The following ACOXL variants were observed in gnomAD, a reference collection of about 807,000 sequenced individuals.
ACOXL encodes the protein acyl-coenzyme A oxidase-like protein.
ACOXL carries 70 observed loss-of-function variants against 71.9 expected under a neutral mutation model. That is an observed-to-expected ratio of 0.97 (90% CI 0.80 to 1.19). ACOXL has a LOEUF of 1.19. ACOXL is among the 50% of genes most tolerant of loss of function. The probability of loss-of-function intolerance (pLI) is 0.00; values close to 1 mark genes in which losing one functional copy is unlikely to be tolerated. For missense variants in ACOXL, 703 were observed against 736.3 expected, an observed-to-expected ratio of 0.95 and a Z score of 0.52; for synonymous variants, 253 against 281.6, an observed-to-expected ratio of 0.90 and a Z score of 1.02.
rs138101301 is a variant in ACOXL at position 111,002,907 on chromosome 2, T to A, written c.1281+6903T>A. Among the ~76,000 whole-genome samples, 22 of 152,346 alleles carry A rather than the reference T, an allele frequency of 1.4e-4. 1 individual carries two copies. The highest frequency in any genetic ancestry group is 5.1e-4 in the African/African-American group (21 of 41,576). On this transcript the variant is annotated intron_variant, in intron 14 of 17. Transcript: ENST00000439055. ...CAAAATGCTCTAATGAACATTTTCT[T>A]TCAGCATCATGTCAGTGCTGAAAAA...
At chr2:110,966,139 C>A (rs1254792912) in intron 12 of ACOXL, among the ~76,000 whole-genome samples, 1 of 152,218 alleles carries the variant, frequency 6.6e-6, no homozygotes, top group Non-Finnish European at 1.5e-5. Context: ...CTCCCATCCC[C>A]CACCCAGTGG....
chr2:110,947,636 A>AC (rs2061158067), intron 12 of ACOXL, among the ~76,000 whole-genome samples: 1 of 152,126 alleles, frequency 6.6e-6, no homozygotes, highest in Non-Finnish European at 1.5e-5. Flanking sequence ...TGCCTCCAGG[A>AC]CCCATTAGAC....
chr2:110,799,173 A>C, intron 7 of ACOXL, 73 bp downstream of exon 7: 3 of 1,446,028 alleles, frequency 2.1e-6, no homozygotes, highest in Non-Finnish European at 2.9e-6. Flanking sequence ...GGAGAATCTA[A>C]CCTACGTTAT....
At chr2:110,917,157 G>C (rs985393338) in intron 11 of ACOXL, among the ~76,000 whole-genome samples, 1 of 151,998 alleles carries the variant, frequency 6.6e-6, no homozygotes, top group East Asian at 1.9e-4. Flanking sequence ...AAAAATCCTC[G>C]ATAAAATACT....
At chr2:110,926,097 G>C (rs1472086892) in intron 11 of ACOXL, among the ~76,000 whole-genome samples, 2 of 152,078 alleles carry the variant, frequency 1.3e-5, no homozygotes, top group African/African-American at 4.8e-5. Flanking sequence ...GGTGCAGTTT[G>C]TGATGCCCCA....
intron 17 of ACOXL, chr2:111,099,913 T>A (rs1004315174): frequency 6.6e-6 from 1 of 152,244 alleles, no homozygotes; most frequent in African/African-American, 2.4e-5. Context: ...AAAGCAAAGA[T>A]CTCAGCTTCT....
chr2:110,827,331 T>C (rs1689283153), intron 9 of ACOXL, among the ~76,000 whole-genome samples: 1 of 151,972 alleles, frequency 6.6e-6, no homozygotes, highest in African/African-American at 2.4e-5. Context: ...AGGGGTGGTT[T>C]CTAGGATGAA....
intron 11 of ACOXL, among the ~76,000 whole-genome samples, chr2:110,912,450 G>T (rs2059682804): frequency 6.6e-6 from 1 of 152,050 alleles, no homozygotes; most frequent in South Asian, 2.1e-4. Context: ...TCAAGAGACA[G>T]AAACACATCC....
intron 10 of ACOXL, among the ~76,000 whole-genome samples, chr2:110,847,133 C>T (rs190055243): frequency 2.4e-4 from 36 of 152,040 alleles, no homozygotes; most frequent in Admixed American, 1.8e-3. Context: ...TAACAGCTCT[C>T]GGGGCCCCAT....
At chr2:110,925,906 A>G (rs924998425) in intron 11 of ACOXL, among the ~76,000 whole-genome samples, 8 of 147,680 alleles carry the variant, frequency 5.4e-5, no homozygotes, top group Non-Finnish European at 1.0e-4. Flanking sequence ...CTAGAAAGAC[A>G]TATGACTCTT....
intron 12 of ACOXL, among the ~76,000 whole-genome samples, chr2:110,938,372 C>T (rs1368485766): frequency 6.6e-6 from 1 of 152,252 alleles, no homozygotes; most frequent in Non-Finnish European, 1.5e-5. Context: ...ACAGCAGGCA[C>T]TCTGTGGTGC....
chr2:110,833,639 C>G (rs988931790), intron 9 of ACOXL, among the ~76,000 whole-genome samples: 1 of 152,138 alleles, frequency 6.6e-6, no homozygotes, highest in Non-Finnish European at 1.5e-5. Context: ...GCATGCGAAT[C>G]TACAATTATC....
intron 14 of ACOXL, among the ~76,000 whole-genome samples, chr2:111,003,367 G>C (rs560241154): frequency 1.3e-5 from 2 of 151,534 alleles, no homozygotes; most frequent in African/African-American, 4.9e-5. Flanking sequence ...GGCCAACATG[G>C]TGAAACCCCG....
chr2:110,839,992 G>T (rs1356149286), intron 9 of ACOXL, among the ~76,000 whole-genome samples: 1 of 152,012 alleles, frequency 6.6e-6, no homozygotes, highest in East Asian at 1.9e-4. Context: ...GTTGTTGTTT[G>T]TTGTTGTTGT....
intron 14 of ACOXL, among the ~76,000 whole-genome samples, chr2:111,006,726 T>C (rs2063892453): frequency 6.6e-6 from 1 of 152,010 alleles, no homozygotes; most frequent in Non-Finnish European, 1.5e-5. Context: ...GTCTGGCTAA[T>C]TTTTGTATTT....
intron 16 of ACOXL, among the ~76,000 whole-genome samples, chr2:111,049,999 G>T (rs2066206668): frequency 6.8e-6 from 1 of 146,516 alleles, no homozygotes; most frequent in Non-Finnish European, 1.5e-5. Context: ...TCACAAAGGT[G>T]CACACACATA....
intron 13 of ACOXL, among the ~76,000 whole-genome samples, chr2:110,992,666 G>C (rs979646722): frequency 7.2e-5 from 11 of 152,202 alleles, no homozygotes. Flanking sequence ...GGCAGGGAGA[G>C]GAGCCCTGAA....
At chr2:110,833,749 C>T (rs953188482) in intron 9 of ACOXL, among the ~76,000 whole-genome samples, 3 of 152,180 alleles carry the variant, frequency 2.0e-5, no homozygotes, top group Admixed American at 2.0e-4. Context: ...TGGACTGCCT[C>T]ATGTACTTGG....
At position 110,867,173 on chromosome 2, in the gene ACOXL, G is replaced by A. The variant is rs76933750; in HGVS notation, c.788+25768G>A. On this transcript the variant is annotated intron_variant, in intron 10 of 17. Transcript: ENST00000439055. ...GGAGAATAAGGCCCTGTGGGGATCCGGGGGATGAGGGAGGCAAGGAAGGGA... is the reference window on the plus strand; with the variant it reads ...GGAGAATAAGGCCCTGTGGGGATCCAGGGGATGAGGGAGGCAAGGAAGGGA... Among the ~76,000 whole-genome samples, 140 of 152,122 alleles carry A rather than the reference G, an allele frequency of 9.2e-4. 1 individual carries two copies. The highest frequency in any genetic ancestry group is 3.5e-4 in the Non-Finnish European group (24 of 68,012).
Sources: gnomAD v4.1 joint callset for allele counts (sites outside exome capture counted in the v4.1 genomes callset) on GRCh38, gnomAD v4.1.1 for gene constraint, MANE v1.5 for transcripts, NCBI Gene and HGNC (gene_info 2026-07-23, HGNC 2026-07-21) for gene names.